The following CA10 variants were observed in gnomAD, a reference collection of about 807,000 sequenced individuals.
The protein encoded by CA10 is carbonic anhydrase-related protein 10.
A neutral mutation model predicts 44.2 loss-of-function variants in CA10; 14 were observed. The ratio of observed to expected loss-of-function variants is 0.32; its 90% CI spans 0.21 to 0.50. The LOEUF (loss-of-function observed/expected upper bound fraction) is 0.50, where lower values mean the gene tolerates loss of function less well. CA10 is among the 20% of genes least tolerant of loss of function. CA10 has a pLI of 0.99. For synonymous variants in CA10, 159 were observed against 141.6 expected (o/e 1.12, Z -0.87); for missense variants, 350 against 409.7 (o/e 0.85, Z 1.26).
At chr17:51,643,109 C>T (rs1259993529) in intron 6 of CA10, among the ~76,000 whole-genome samples, 1 of 152,208 alleles carries the variant, frequency 6.6e-6, no homozygotes, top group East Asian at 1.9e-4. Context: ...TTCCCTCTTA[C>T]CCACTTAAGA....
At chr17:51,903,919 T>G (rs1183325887) in intron 3 of CA10, among the ~76,000 whole-genome samples, 1 of 152,086 alleles carries the variant, frequency 6.6e-6, no homozygotes, top group South Asian at 2.1e-4. Context: ...GTTCCCTGGA[T>G]GTACCAGGGT....
intron 1 of CA10, among the ~76,000 whole-genome samples, chr17:52,096,089 A>T (rs1988393579): frequency 6.6e-6 from 1 of 152,102 alleles, no homozygotes; most frequent in African/African-American, 2.4e-5. Context: ...ATCTCTTGGG[A>T]TAATGCATGT....
intron 2 of CA10, among the ~76,000 whole-genome samples, chr17:52,070,004 AC>A (rs1987638231): frequency 6.6e-6 from 1 of 152,236 alleles, no homozygotes; most frequent in Admixed American, 6.5e-5. Context: ...ATTGTTTGCC[AC>A]AAGTACCCAC....
intron 4 of CA10, among the ~76,000 whole-genome samples, chr17:51,714,692 G>A (rs758985126): frequency 3.9e-5 from 6 of 152,160 alleles, no homozygotes; most frequent in Non-Finnish European, 7.4e-5. Flanking sequence ...TTAGATGCAA[G>A]CAAGAATGTG....
intron 3 of CA10, among the ~76,000 whole-genome samples, chr17:51,854,356 G>T (rs1978941187): frequency 6.6e-6 from 1 of 152,174 alleles, no homozygotes; most frequent in African/African-American, 2.4e-5. Flanking sequence ...CTAGGCATTG[G>T]GAAGCAATGG....
intron 3 of CA10, among the ~76,000 whole-genome samples, chr17:51,902,394 T>C (rs1264174985): frequency 1.3e-5 from 2 of 152,146 alleles, no homozygotes; most frequent in Non-Finnish European, 2.9e-5. Context: ...TTTATGCTTT[T>C]CTCAGTAAAT....
chr17:51,950,076 G>C (rs752696121), intron 2 of CA10, among the ~76,000 whole-genome samples: 5 of 152,122 alleles, frequency 3.3e-5, no homozygotes, highest in African/African-American at 7.2e-5. Flanking sequence ...CTCTCATTCA[G>C]TTGTAGTCAC....
intron 3 of CA10, among the ~76,000 whole-genome samples, chr17:51,829,224 C>T (rs1356782132): frequency 6.6e-6 from 1 of 152,210 alleles, no homozygotes; most frequent in Non-Finnish European, 1.5e-5. Flanking sequence ...AAGACTGCCC[C>T]CATGGATGTG....
chr17:51,770,449 T>C (rs1373544849), intron 3 of CA10, among the ~76,000 whole-genome samples: 2 of 151,696 alleles, frequency 1.3e-5, no homozygotes, highest in Admixed American at 6.6e-5. Flanking sequence ...ATACCACCAT[T>C]AATACTAATA....
intron 2 of CA10, among the ~76,000 whole-genome samples, chr17:51,952,797 G>A (rs1033156215): frequency 3.9e-5 from 6 of 152,056 alleles, no homozygotes; most frequent in Admixed American, 3.9e-4. Context: ...GCTTTCCAAA[G>A]CACACACTGC....
intron 1 of CA10, among the ~76,000 whole-genome samples, chr17:52,140,242 T>C (rs1989447759): frequency 6.6e-6 from 1 of 152,182 alleles, no homozygotes; most frequent in Admixed American, 6.5e-5. Context: ...TTTAATGTAC[T>C]TCAATAAAAG....
chr17:51,820,405 A>T (rs1050838150), intron 3 of CA10, among the ~76,000 whole-genome samples: 69 of 39,146 alleles, frequency 1.8e-3, no homozygotes, highest in Non-Finnish European at 2.1e-3. Context: ...GGATTCCCCT[A>T]CCCCCCCCCC....
intron 4 of CA10, among the ~76,000 whole-genome samples, chr17:51,691,744 T>A (rs189530110): frequency 1.3e-5 from 2 of 152,350 alleles, no homozygotes. Flanking sequence ...GCTATTGTGG[T>A]GCATGGTGTG....
chr17:51,831,687 G>GCAGCAGCAGCATCAGCATCAGCAT (rs1349431395), intron 3 of CA10, among the ~76,000 whole-genome samples: 1 of 78,550 alleles, frequency 1.3e-5, no homozygotes, highest in African/African-American at 4.0e-5. Flanking sequence ...AGCAGCAGCA[G>GCAGCAGCAGCATCAGCATCAGCAT]CAGCAGCAGC....
chr17:51,778,742 C>T (rs1429770978), intron 3 of CA10, among the ~76,000 whole-genome samples: 1 of 152,138 alleles, frequency 6.6e-6, no homozygotes, highest in Non-Finnish European at 1.5e-5. Flanking sequence ...TTTCTGTTTC[C>T]GAAACAATCA....
chr17:52,121,618 C>G (rs889341538), intron 1 of CA10, among the ~76,000 whole-genome samples: 5 of 151,672 alleles, frequency 3.3e-5, no homozygotes, highest in Non-Finnish European at 7.4e-5. Context: ...CTCTGGAAAT[C>G]ACATAAAATG....
At chr17:52,059,470 T>C (rs1214646372) in intron 2 of CA10, among the ~76,000 whole-genome samples, 2 of 151,996 alleles carry the variant, frequency 1.3e-5, no homozygotes, top group Non-Finnish European at 2.9e-5. Flanking sequence ...AGACAATTGA[T>C]AACAAAAAGT....
intron 3 of CA10, among the ~76,000 whole-genome samples, chr17:51,872,415 C>A (rs1042804925): frequency 1.3e-5 from 2 of 152,126 alleles, no homozygotes; most frequent in African/African-American, 4.8e-5. Flanking sequence ...AAGAGTAGCA[C>A]CCCAAACCAT....
At chr17:52,004,350 C>T (rs957762533) in intron 2 of CA10, among the ~76,000 whole-genome samples, 1 of 151,756 alleles carries the variant, frequency 6.6e-6, no homozygotes, top group Non-Finnish European at 1.5e-5. Context: ...GAACCCAAAC[C>T]AAAAGACACA....
Sources: allele counts gnomAD v4.1 joint callset (sites outside exome capture counted in the v4.1 genomes callset), GRCh38; gene constraint gnomAD v4.1.1; transcripts MANE v1.5; gene names NCBI Gene and HGNC (gene_info 2026-07-23, HGNC 2026-07-21).